The following DNAH9 variants were observed in gnomAD, a reference collection of about 807,000 sequenced individuals.
The protein encoded by DNAH9 is DNAH9 variant protein.
Under a neutral mutation model 471.6 loss-of-function variants are expected in DNAH9, and 345 were observed. The observed-to-expected ratio is 0.73, with a 90% CI of 0.67 to 0.80. The LOEUF (loss-of-function observed/expected upper bound fraction) is 0.80, where lower values mean the gene tolerates loss of function less well. Among genes scored for constraint, DNAH9 ranks in the 30% least tolerant of loss-of-function variants. The probability of loss-of-function intolerance (pLI) is 0.00; values close to 1 mark genes in which losing one functional copy is unlikely to be tolerated. For missense variants in DNAH9, 5,407 were observed against 5,609.2 expected (o/e 0.96, Z 1.15); for synonymous variants, 2,093 against 2,123.6 (o/e 0.99, Z 0.40).
At chr17:11,960,435 TAAAAAAAAAA>T (rs3074845) in intron 67 of DNAH9, among the ~76,000 whole-genome samples, 52 of 54,046 alleles carry the variant, frequency 9.6e-4, no homozygotes, top group African/African-American at 3.0e-3. Flanking sequence ...GACTCTGTCT[TAAAAAAAAAA>T]AAAAAAAAAA....
At chr17:11,787,073 G>T (rs2150902187) in intron 41 of DNAH9, among the ~76,000 whole-genome samples, 1 of 152,300 alleles carries the variant, frequency 6.6e-6, no homozygotes, top group South Asian at 2.1e-4. Context: ...GCTAAATTAA[G>T]TTTAACAGTG....
In DNAH9 at chr17:11,961,856, T is replaced by A; in HGVS notation, c.12844-11T>A. On this transcript the variant is annotated splice_polypyrimidine_tract_variant and intron_variant, in intron 67 of 68. Coordinates refer to ENST00000262442, the MANE Select transcript of DNAH9 (RefSeq NM_001372.4). ...TTCTCACGCTTTCCCCCTCCCATTC[T>A]TTATCTTCAGGGGGAGCTGACTATG... 1.3e-6 allele frequency: 2 copies of A among 1,585,784 alleles called. No homozygotes were observed. The highest frequency in any genetic ancestry group is 1.7e-6 in the Non-Finnish European group (2 of 1,163,590).
At chr17:11,655,393 G>C (rs2073620009) in intron 14 of DNAH9, among the ~76,000 whole-genome samples, 1 of 147,404 alleles carries the variant, frequency 6.8e-6, no homozygotes, top group Non-Finnish European at 1.5e-5. Context: ...TGTAGAACTA[G>C]ATAAAAGATA....
At chr17:11,936,934 G>A (rs531133412) in intron 65 of DNAH9, among the ~76,000 whole-genome samples, 1 of 152,236 alleles carries the variant, frequency 6.6e-6, no homozygotes, top group South Asian at 2.1e-4. Flanking sequence ...TAGATGGAGG[G>A]GAGAGAAAAG....
intron 35 of DNAH9, among the ~76,000 whole-genome samples, chr17:11,759,608 C>T (rs1967572661): frequency 6.8e-6 from 1 of 147,252 alleles, no homozygotes; most frequent in Admixed American, 7.0e-5. Flanking sequence ...CTGCAACCTC[C>T]ACCTCCTGGG....
chr17:11,652,608 AGGAG>A (rs796491206), intron 13 of DNAH9, among the ~76,000 whole-genome samples, 149 bp from the exon 14 acceptor site: 10 of 152,166 alleles, frequency 6.6e-5, no homozygotes, highest in African/African-American at 2.4e-4. Context: ...TAATACAACT[AGGAG>A]GGAGAATATT....
At chr17:11,625,084 AC>A (rs1324648294) in intron 6 of DNAH9, among the ~76,000 whole-genome samples, 45 of 152,134 alleles carry the variant, frequency 3.0e-4, no homozygotes, top group African/African-American at 9.9e-4. Flanking sequence ...GTGCACACAC[AC>A]ACACACACAC....
chr17:11,599,773 T>C (rs1016433263), intron 1 of DNAH9, among the ~76,000 whole-genome samples: 10 of 151,990 alleles, frequency 6.6e-5, no homozygotes, highest in Admixed American at 2.0e-4. Context: ...ACCCTGCAGG[T>C]TGTGAAATAA....
intron 9 of DNAH9, among the ~76,000 whole-genome samples, chr17:11,637,401 T>C (rs918358229): frequency 1.3e-5 from 2 of 152,184 alleles, no homozygotes; most frequent in Non-Finnish European, 2.9e-5. Context: ...AGGCTGGTTC[T>C]TTATAGAATG....
chr17:11,942,281 T>A, intron 66 of DNAH9, 22 bp from the exon 67 acceptor site: 1 of 1,610,514 alleles, frequency 6.2e-7, no homozygotes, highest in Non-Finnish European at 8.5e-7. Context: ...TTCTTAACGC[T>A]GTGTTTCCTT....
intron 5 of DNAH9, among the ~76,000 whole-genome samples, chr17:11,619,288 T>C (rs111755407): frequency 4.1e-4 from 1 of 2,444 alleles, no homozygotes; most frequent in African/African-American, 4.6e-4. Context: ...CAGCCCCAGC[T>C]AGCCAACAAA....
At chr17:11,833,667 A>G (rs956181200) in intron 48 of DNAH9, among the ~76,000 whole-genome samples, 1 of 152,166 alleles carries the variant, frequency 6.6e-6, no homozygotes, top group Non-Finnish European at 1.5e-5. Context: ...TTCCTGCAAT[A>G]TTACTAGAGA....
In DNAH9 at chr17:11,854,320, T is replaced by G; in HGVS notation, c.9825T>G (p.Phe3275Leu). 6.2e-7 allele frequency: 1 copy of G among 1,614,112 alleles called. No individual in the cohort carries two copies. The highest frequency in any genetic ancestry group is 8.5e-7 in the Non-Finnish European group (1 of 1,180,032). The part of the protein sequence containing the change: ...LCSWVINIVR[F>L]YEVFCDVEPK... ...CCTGGGTCATCAATATTGTGAGATT[T>G]TATGAGGTGTTCTGTGATGTGGAAC... Residue 3275 changes from phenylalanine (F) to leucine (L), a missense_variant, in exon 50 of 69, where the codon TTT becomes TTG. Physicochemically the swap from Phe to Leu is conservative, Grantham distance 22. This residue lies in a region of DNAH9 where 4,636 missense variants were observed against 4,900.3 expected (regional missense o/e 0.95). Coordinates refer to ENST00000262442, the MANE Select transcript of DNAH9 (RefSeq NM_001372.4).
intron 63 of DNAH9, among the ~76,000 whole-genome samples, chr17:11,930,376 G>A (rs1360081929): frequency 1.3e-5 from 2 of 152,080 alleles, no homozygotes; most frequent in Admixed American, 6.6e-5. Flanking sequence ...AGATGAAGAA[G>A]GGCACGTTGT....
chr17:11,598,828 T>C lies in DNAH9; in HGVS notation c.330T>C (p.Pro110=), dbSNP rs2072319365. ...TTTTCCTTCGCACCGGGCCCGAGCC[T>C]CCAGGGCCCGACAGCTTCCGCGGCG... is the stretch of plus-strand genomic sequence containing the variant. ...ALFFLRTGPE[P]PGPDSFRGAV... Residue 110 remains proline, a synonymous_variant, in exon 1 of 69, where the codon CCT becomes CCC. Transcript: ENST00000262442. 4.6e-6 allele frequency: 7 copies of C among 1,507,216 alleles called. No individual in the cohort carries two copies. The highest frequency in any genetic ancestry group is 2.4e-5 in the South Asian group (2 of 82,648). 93.4% of individuals were successfully genotyped at this position (1,507,216 alleles called of 1,614,324 possible). A position where few individuals can be genotyped will look rare whatever the true frequency, so the allele number is the denominator to read the frequency against.
intron 19 of DNAH9, among the ~76,000 whole-genome samples, chr17:11,684,171 G>A (rs1001642289): frequency 6.6e-6 from 1 of 152,110 alleles, no homozygotes; most frequent in Non-Finnish European, 1.5e-5. Context: ...ACATTTCTCT[G>A]TGGATGCAAG....
rs58555259 is a variant in DNAH9 at position 11,852,814 on chromosome 17, GTATATATATATATATA to G, written c.9508-1157_9508-1142del. On this transcript the variant is annotated intron_variant, in intron 49 of 68. Transcript: ENST00000262442. ...TATATATAAGAAAGTGTGTGTGTGT[GTATATATATATATATA>G]TATATATATATATATATATATATAT... Among the ~76,000 whole-genome samples the G allele has an allele frequency of 9.3e-3, 859 of 92,682 alleles. 31 individuals are homozygous for G. The highest frequency in any genetic ancestry group is 0.029 in the African/African-American group (754 of 25,890). 60.8% of individuals were successfully genotyped at this position (92,682 alleles called of 152,430 possible). A position where few individuals can be genotyped will look rare whatever the true frequency, so the allele number is the denominator to read the frequency against.
At chr17:11,598,979 A>C in intron 1 of DNAH9, 64 bp downstream of exon 1, 6 of 515,498 alleles carry the variant, frequency 1.2e-5, no homozygotes, top group Non-Finnish European at 1.2e-5. Flanking sequence ...AGGAGCCTTA[A>C]GGGACGGAGG....
At chr17:11,719,252 C>G in intron 26 of DNAH9, 82 bp from the exon 27 acceptor site, 1 of 1,385,132 alleles carries the variant, frequency 7.2e-7, no homozygotes, top group Admixed American at 1.9e-5. Context: ...GAAGCTATGC[C>G]AGATCTCACA....
Sources: allele counts gnomAD v4.1 joint callset (sites outside exome capture counted in the v4.1 genomes callset), GRCh38; gene constraint gnomAD v4.1.1; regional missense constraint gnomAD v4.1.1; transcripts MANE v1.5; gene names NCBI Gene and HGNC (gene_info 2026-07-23, HGNC 2026-07-21).